ARHGAP22: variants seen among roughly 807,000 people sequenced by gnomAD.
The protein encoded by ARHGAP22 is rho GTPase-activating protein 22.
A neutral mutation model predicts 59.1 loss-of-function variants in ARHGAP22; 48 were observed. That is an observed-to-expected ratio of 0.81 (90% CI 0.64 to 1.03). ARHGAP22 has a LOEUF of 1.03. Ranked by LOEUF, ARHGAP22 falls within the 50% of genes least tolerant of loss-of-function variation. The probability of loss-of-function intolerance (pLI) is 0.00; values close to 1 mark genes in which losing one functional copy is unlikely to be tolerated. For missense variants in ARHGAP22, 1,015 were observed against 958.7 expected (o/e 1.06, Z -0.78); for synonymous variants, 445 against 416.4 (o/e 1.07, Z -0.84).
intron 3 of ARHGAP22, among the ~76,000 whole-genome samples, chr10:48,489,510 T>C (rs1349406547): frequency 1.3e-5 from 2 of 152,248 alleles, no homozygotes; most frequent in Admixed American, 1.3e-4. Context: ...CAGTGTTCCA[T>C]GGTTTATGCT....
rs560425606 is a variant in ARHGAP22, at chr10:48,447,860, C to T, written c.1869-1241G>A. Among the ~76,000 whole-genome samples, 29 of 152,322 alleles carry T rather than the reference C, an allele frequency of 1.9e-4. No individual in the cohort carries two copies. The South Asian group carries it at 3.5e-3, about 18-fold the overall frequency. On this transcript the variant is annotated intron_variant, in intron 9 of 9. Coordinates refer to ENST00000249601, the MANE Select transcript of ARHGAP22 (RefSeq NM_021226.4). ...CCTCCCCTAAGTCCATTCTTTTTCTCGGTCCCATATCTGATCAGTTAGCAA... is the reference window on the plus strand; with the variant it reads ...CCTCCCCTAAGTCCATTCTTTTTCTTGGTCCCATATCTGATCAGTTAGCAA...
At chr10:48,530,030 A>G (rs2054670953) in intron 3 of ARHGAP22, among the ~76,000 whole-genome samples, 1 of 152,174 alleles carries the variant, frequency 6.6e-6, no homozygotes. Flanking sequence ...TGAGGTCAAG[A>G]GTTCGAGACC....
upstream of ARHGAP22, among the ~76,000 whole-genome samples, chr10:48,609,634 C>T (rs769562659): frequency 6.6e-6 from 1 of 152,218 alleles, no homozygotes; most frequent in Non-Finnish European, 1.5e-5. Context: ...ACACACTCCA[C>T]TCTGCCTGCC....
At chr10:48,621,136 A>G (rs563183553) in intron 1 of ARHGAP22, among the ~76,000 whole-genome samples, 14 of 152,368 alleles carry the variant, frequency 9.2e-5, no homozygotes, top group Admixed American at 2.0e-4. Context: ...CCTTTGTCTT[A>G]GACTCTTTCA....
intron 3 of ARHGAP22, among the ~76,000 whole-genome samples, chr10:48,517,064 G>A (rs563422684): frequency 7.6e-4 from 115 of 152,308 alleles, no homozygotes; most frequent in African/African-American, 2.3e-3. Context: ...GGCTGGGGAC[G>A]AGGGGACACG....
intron 2 of ARHGAP22, among the ~76,000 whole-genome samples, chr10:48,568,944 G>A (rs571936166): frequency 6.5e-4 from 99 of 152,318 alleles, no homozygotes; most frequent in African/African-American, 2.2e-3. Context: ...GACTGGGAGC[G>A]CTGGTGCTGT....
the ARHGAP22 span, among the ~76,000 whole-genome samples, chr10:48,439,521 T>G: frequency 1.3e-5 from 2 of 151,962 alleles, no homozygotes; most frequent in African/African-American, 4.8e-5. Context: ...TCACGCTGAT[T>G]ATCTGGTTGA....
chr10:48,577,611 C>CTGAT (rs1232071656), intron 2 of ARHGAP22, among the ~76,000 whole-genome samples: 1 of 152,084 alleles, frequency 6.6e-6, no homozygotes, highest in Non-Finnish European at 1.5e-5. Flanking sequence ...GGTCTGCACA[C>CTGAT]TGATGTTCAC....
chr10:48,545,665 C>T (rs969931757), intron 3 of ARHGAP22, among the ~76,000 whole-genome samples: 6 of 152,200 alleles, frequency 3.9e-5, no homozygotes, highest in Non-Finnish European at 7.3e-5. Flanking sequence ...TATCTGTCTC[C>T]TCTGCGGAGT....
chr10:48,475,000 T>C (rs2048578607), intron 4 of ARHGAP22, among the ~76,000 whole-genome samples: 1 of 152,078 alleles, frequency 6.6e-6, no homozygotes, highest in African/African-American at 2.4e-5. Context: ...TTACCTCACC[T>C]CCTCCTCCAG....
intron 4 of ARHGAP22, among the ~76,000 whole-genome samples, chr10:48,474,014 C>T (rs962153009): frequency 4.6e-5 from 7 of 152,264 alleles, no homozygotes; most frequent in Admixed American, 2.0e-4. Context: ...CTGAACTGGG[C>T]GTGGAAGTTC....
chr10:48,541,379 C>T (rs535318318), intron 3 of ARHGAP22, among the ~76,000 whole-genome samples: 1 of 152,344 alleles, frequency 6.6e-6, no homozygotes, highest in South Asian at 2.1e-4. Context: ...TCCTCCTGCG[C>T]ATCACCCCTT....
At chr10:48,652,786 C>T (rs2062616993), upstream of ARHGAP22, among the ~76,000 whole-genome samples, 1 of 152,276 alleles carries the variant, frequency 6.6e-6, no homozygotes, top group South Asian at 2.1e-4. Context: ...GCATTTATGG[C>T]CTTTGTCTGG....
chr10:48,523,837 G>GAGGAGCCCC (rs2054060620), intron 3 of ARHGAP22, among the ~76,000 whole-genome samples: 1 of 151,984 alleles, frequency 6.6e-6, no homozygotes. Context: ...CATGGGGACC[G>GAGGAGCCCC]AGGAGCCCCA....
At chr10:48,457,720 G>T (rs2046690770) in intron 5 of ARHGAP22, among the ~76,000 whole-genome samples, 1 of 152,198 alleles carries the variant, frequency 6.6e-6, no homozygotes, top group South Asian at 2.1e-4. Flanking sequence ...GCCTGGTGAG[G>T]CTTTAGCAGA....
chr10:48,545,167 T>C (rs1044227768), intron 3 of ARHGAP22, among the ~76,000 whole-genome samples: 1 of 152,240 alleles, frequency 6.6e-6, no homozygotes, highest in African/African-American at 2.4e-5. Context: ...CTTGTGAGTG[T>C]GTAGTAGGTG....
intron 1 of ARHGAP22, among the ~76,000 whole-genome samples, chr10:48,641,741 T>C (rs2062055593): frequency 6.6e-6 from 1 of 152,150 alleles, no homozygotes; most frequent in African/African-American, 2.4e-5. Flanking sequence ...GAAGTTCTGG[T>C]CAGGGCAATC....
intron 4 of ARHGAP22, among the ~76,000 whole-genome samples, chr10:48,467,446 G>A (rs1258017033): frequency 6.6e-6 from 1 of 151,926 alleles, no homozygotes; most frequent in East Asian, 1.9e-4. Context: ...AGGGTAGGAG[G>A]GCAGAATTCT....
At chr10:48,582,927 C>T (rs2289808) in intron 2 of ARHGAP22, 26 bp downstream of exon 2, 484,535 of 1,611,726 alleles carry the variant, frequency 0.3, 83,810 homozygotes, top group East Asian at 0.81. Flanking sequence ...ACGATGCCCA[C>T]GGCACACCGG....
Sources: allele counts gnomAD v4.1 joint callset (sites outside exome capture counted in the v4.1 genomes callset), GRCh38; gene constraint gnomAD v4.1.1; transcripts MANE v1.5; gene names NCBI Gene and HGNC (gene_info 2026-07-23, HGNC 2026-07-21).